ECHDC1: variants seen among roughly 807,000 people sequenced by gnomAD.
The protein encoded by ECHDC1 is ethylmalonyl-CoA decarboxylase 1.
ECHDC1 carries 29 observed loss-of-function variants against 29.7 expected under a neutral mutation model. The ratio of observed to expected loss-of-function variants is 0.98; its 90% CI spans 0.73 to 1.33. The LOEUF (loss-of-function observed/expected upper bound fraction) is 1.33. Among genes scored for constraint, ECHDC1 ranks in the 40% most tolerant of loss-of-function variants. ECHDC1 has a pLI of 0.00. For missense variants in ECHDC1, 328 were observed against 350.0 expected, an observed-to-expected ratio of 0.94 and a Z score of 0.50; for synonymous variants, 126 against 123.1, an observed-to-expected ratio of 1.02 and a Z score of -0.15.
chr6:127,307,739 T>A (rs1401014768), intron 5 of ECHDC1, among the ~76,000 whole-genome samples: 3 of 113,896 alleles, frequency 2.6e-5, no homozygotes, highest in African/African-American at 3.2e-5. Flanking sequence ...AATTGAAAAA[T>A]CTCTAGCCAG....
intron 3 of ECHDC1, among the ~76,000 whole-genome samples, chr6:127,319,374 T>C (rs1264998930): frequency 6.6e-6 from 1 of 152,188 alleles, no homozygotes; most frequent in African/African-American, 2.4e-5. Flanking sequence ...AAAATAAGGT[T>C]AGAACAGTGT....
chr6:127,326,070 A>C (rs1324450105), intron 3 of ECHDC1, among the ~76,000 whole-genome samples: 2 of 152,174 alleles, frequency 1.3e-5, no homozygotes, highest in African/African-American at 4.8e-5. Context: ...ATAGTAAAGT[A>C]ACAATGTGGG....
chr6:127,337,726 T>A lies in ECHDC1; in HGVS notation c.-3+5610A>T, dbSNP rs1220687108. The stretch of plus-strand genomic sequence containing the variant: ...TGACTGTTCGCATCAACAACACCTA[T>A]ATTCTCATGACAGGATGTATTTATG... On this transcript the variant is annotated intron_variant, in intron 1 of 5. Coordinates refer to ENST00000454859, the MANE Select transcript of ECHDC1 (RefSeq NM_001002030.2). Among the ~76,000 whole-genome samples the A allele has an allele frequency of 2.0e-5, 3 of 152,166 alleles. No individual in the cohort carries two copies. The East Asian group carries it at 5.8e-4, about 29-fold the overall frequency.
chr6:127,328,625 T>G (rs891905353), intron 2 of ECHDC1, among the ~76,000 whole-genome samples: 10 of 152,210 alleles, frequency 6.6e-5, no homozygotes, highest in African/African-American at 2.4e-4. Flanking sequence ...TTCTTTTGCT[T>G]TCAAGTGATA....
intron 3 of ECHDC1, among the ~76,000 whole-genome samples, chr6:127,316,807 A>G (rs930630619): frequency 2.6e-5 from 4 of 152,138 alleles, no homozygotes; most frequent in Non-Finnish European, 5.9e-5. Context: ...GGAAAGGCAT[A>G]AGATATACCC....
intron 5 of ECHDC1, among the ~76,000 whole-genome samples, chr6:127,290,696 C>T (rs1490272194): frequency 6.6e-6 from 1 of 152,028 alleles, no homozygotes; most frequent in Non-Finnish European, 1.5e-5. Flanking sequence ...TTTTTAAATA[C>T]AGCATCTATT....
chr6:127,330,931 T>C lies in ECHDC1; in HGVS notation c.98A>G (p.Tyr33Cys). ...LSLYSTSHGF[Y>C]EEEVKKTLQQ... ...AAGTGTTTTTTTCACTTCTTCCTCA[T>C]AAAATCCATGGGATGTACTATAAAG... Residue 33 changes from tyrosine (Y) to cysteine (C), a missense_variant, in exon 2 of 6, where the codon TAT (tyrosine) becomes TGT (cysteine). Tyr to Cys is a radical substitution (Grantham distance 194). Coordinates refer to ENST00000454859, the MANE Select transcript of ECHDC1 (RefSeq NM_001002030.2). 1 of 1,614,160 alleles carries C rather than the reference T, an allele frequency of 6.2e-7. No homozygotes were observed. Among genetic ancestry groups the C allele is most frequent in the Non-Finnish European group, 8.5e-7 (1 of 1,180,034 alleles).
rs568056283 is a variant in ECHDC1 at position 127,321,741 on chromosome 6, G to A, written c.364-5239C>T. Among the ~76,000 whole-genome samples the A allele has an allele frequency of 4.3e-3, 647 of 152,226 alleles. 2 individuals carry two copies. Among genetic ancestry groups the A allele is most frequent in the Non-Finnish European group, 5.2e-3 (354 of 68,000 alleles). ...CGTCGGGCCAGGTGCAGTGGCTCACGCCTGTAATCCTAGCACTTTGGGAGG... is the reference window on the plus strand; with the variant it reads ...CGTCGGGCCAGGTGCAGTGGCTCACACCTGTAATCCTAGCACTTTGGGAGG... On this transcript the variant is annotated intron_variant, in intron 3 of 5. Transcript: ENST00000454859.
At chr6:127,292,826 A>C (rs1351478498) in intron 5 of ECHDC1, among the ~76,000 whole-genome samples, 1 of 152,096 alleles carries the variant, frequency 6.6e-6, no homozygotes, top group East Asian at 1.9e-4. Context: ...ATCTACGTAG[A>C]GTAATGGAAG....
intron 5 of ECHDC1, among the ~76,000 whole-genome samples, chr6:127,292,332 A>G (rs1780262572): frequency 6.6e-6 from 1 of 151,756 alleles, no homozygotes; most frequent in South Asian, 2.1e-4. Flanking sequence ...AAGAAAAATC[A>G]TCATCTCTAT....
At chr6:127,308,214 A>G (rs1225799873) in intron 5 of ECHDC1, among the ~76,000 whole-genome samples, 1 of 152,198 alleles carries the variant, frequency 6.6e-6, no homozygotes, top group East Asian at 1.9e-4. Flanking sequence ...CTATAGGCCA[A>G]TATCTCCAAT....
intron 4 of ECHDC1, 48 bp downstream of exon 4, chr6:127,316,402 T>C: frequency 6.7e-7 from 1 of 1,482,836 alleles, no homozygotes; most frequent in South Asian, 1.2e-5. Context: ...AGCAAAAAGC[T>C]ATTTTTGGTC....
At chr6:127,313,691 G>A in intron 5 of ECHDC1, 2 of 421,164 alleles carry the variant, frequency 4.7e-6, no homozygotes, top group Non-Finnish European at 9.5e-6. Context: ...AAATGGCAAG[G>A]CCAGGGTTAG....
chr6:127,331,866 TC>T, intron 1 of ECHDC1: 8 of 985,334 alleles, frequency 8.1e-6, no homozygotes, highest in Non-Finnish European at 9.6e-6. Flanking sequence ...CTGGAAAGGG[TC>T]CTAAGAAAAA....
rs1448220365 is a variant in ECHDC1 at position 127,343,533 on chromosome 6, C to A, written c.-200G>T. On this transcript the variant is annotated 5_prime_UTR_variant, in exon 1 of 6. Coordinates refer to ENST00000454859, the MANE Select transcript of ECHDC1 (RefSeq NM_001002030.2). ...CTTTCTCCGGGAACTTTATCCCGTT[C>A]CCCTGCCGGTTCCCGTGACCCCGGA... 1.3e-5 allele frequency: 2 copies of A among 152,174 alleles called. No homozygotes were observed. Among genetic ancestry groups the A allele is most frequent in the Non-Finnish European group, 2.9e-5 (2 of 68,058 alleles). 9.4% of individuals were successfully genotyped at this position (152,174 alleles called of 1,614,324 possible).
rs1473419128 is a variant in ECHDC1 at position 127,326,965 on chromosome 6, C to A, written c.363+37G>T. On this transcript the variant is annotated intron_variant, in intron 3 of 5. Coordinates refer to ENST00000454859, the MANE Select transcript of ECHDC1 (RefSeq NM_001002030.2). ...GTATCTGCCATACATGTCTAATAAA[C>A]ATGTAGAATCAAATGCATAATTCAT... 6 of 1,589,726 alleles carry A rather than the reference C, an allele frequency of 3.8e-6. No individual in the cohort carries two copies. In the Admixed American group the frequency reaches 6.9e-5, roughly 18 times the overall value.
intron 5 of ECHDC1, among the ~76,000 whole-genome samples, chr6:127,298,862 G>T (rs561667652): frequency 2.6e-5 from 4 of 151,956 alleles, no homozygotes; most frequent in Admixed American, 2.6e-4. Context: ...TAATGGTTCG[G>T]GTATTTACTG....
intron 3 of ECHDC1, among the ~76,000 whole-genome samples, chr6:127,321,978 G>A (rs1414548363): frequency 6.6e-6 from 1 of 151,960 alleles, no homozygotes; most frequent in South Asian, 2.1e-4. Context: ...ACTCCAGCCT[G>A]GGCAACAGAA....
intron 4 of ECHDC1, 98 bp downstream of exon 4, chr6:127,316,352 A>T (rs1243517667): frequency 9.8e-7 from 1 of 1,015,420 alleles, no homozygotes; most frequent in Non-Finnish European, 1.5e-6. Flanking sequence ...TGTAATTTGA[A>T]AATTAGCTAT....
Sources: allele counts gnomAD v4.1 joint callset (sites outside exome capture counted in the v4.1 genomes callset), GRCh38; gene constraint gnomAD v4.1.1; transcripts MANE v1.5; gene names NCBI Gene and HGNC (gene_info 2026-07-23, HGNC 2026-07-21).